The following SPECC1 variants were observed in gnomAD, a reference collection of about 807,000 sequenced individuals.
SPECC1 encodes cytospin-B.
SPECC1 carries 62 observed loss-of-function variants against 104.1 expected under a neutral mutation model. That is an observed-to-expected ratio of 0.60 (90% CI 0.49 to 0.74). SPECC1 has a LOEUF of 0.74. SPECC1 is among the 30% of genes least tolerant of loss of function. The pLI is 0.00. For synonymous variants in SPECC1, 513 were observed against 501.6 expected, an observed-to-expected ratio of 1.02 and a Z score of -0.30; for missense variants, 1,306 against 1,310.5, an observed-to-expected ratio of 1.00 and a Z score of 0.05.
At chr17:20,033,105 A>G (rs2044893567) in intron 1 of SPECC1, among the ~76,000 whole-genome samples, 1 of 151,844 alleles carries the variant, frequency 6.6e-6, no homozygotes, top group South Asian at 2.1e-4. Context: ...CTGGGATTAC[A>G]GGCATCCACC....
intron 1 of SPECC1, among the ~76,000 whole-genome samples, chr17:20,064,031 G>T (rs1458119717): frequency 6.6e-6 from 1 of 152,206 alleles, no homozygotes; most frequent in Non-Finnish European, 1.5e-5. Flanking sequence ...GCAGTCTCTG[G>T]CTGGTGGCTG....
At chr17:20,021,703 T>TATA (rs1263275894) in intron 1 of SPECC1, among the ~76,000 whole-genome samples, 2 of 98,830 alleles carry the variant, frequency 2.0e-5, no homozygotes, top group African/African-American at 1.2e-4. Context: ...TATATATATA[T>TATA]TTTTTTGTAC....
chr17:20,256,236 C>T (rs1243246028), intron 10 of SPECC1, among the ~76,000 whole-genome samples: 1 of 152,152 alleles, frequency 6.6e-6, no homozygotes, highest in African/African-American at 2.4e-5. Flanking sequence ...TAGCTTATTG[C>T]TCTGCAGTTA....
At chr17:20,196,597 T>C (rs770511343) in intron 3 of SPECC1, among the ~76,000 whole-genome samples, 1 of 152,236 alleles carries the variant, frequency 6.6e-6, no homozygotes, top group Non-Finnish European at 1.5e-5. Context: ...TCTTGGACTT[T>C]CTGACTTGCC....
intron 7 of SPECC1, chr17:20,237,319 T>G (rs906467259): frequency 2.6e-5 from 28 of 1,063,794 alleles, no homozygotes; most frequent in East Asian, 2.0e-4. Flanking sequence ...TGTTTTGTTT[T>G]TTTTTTTTTT....
At chr17:20,095,978 G>A (rs1388183732) in intron 1 of SPECC1, 4 of 152,272 alleles carry the variant, frequency 2.6e-5, no homozygotes, top group East Asian at 1.9e-4. Flanking sequence ...GGCCAGTCTC[G>A]GGCTGCCTTC....
chr17:20,168,077 A>G (rs2033804997), intron 3 of SPECC1, among the ~76,000 whole-genome samples: 1 of 152,222 alleles, frequency 6.6e-6, no homozygotes, highest in Non-Finnish European at 1.5e-5. Flanking sequence ...CAAAGTACAG[A>G]AAAGATGGAA....
intron 1 of SPECC1, among the ~76,000 whole-genome samples, chr17:20,018,572 T>G (rs1410586945): frequency 3.3e-5 from 5 of 152,166 alleles, no homozygotes; most frequent in African/African-American, 1.2e-4. Context: ...CTTTTATAAT[T>G]TATTTCTGTG....
intron 3 of SPECC1, among the ~76,000 whole-genome samples, chr17:20,204,038 TC>T (rs1490798459): frequency 1.3e-5 from 2 of 152,294 alleles, no homozygotes; most frequent in Admixed American, 6.5e-5. Context: ...CAGAAAACCT[TC>T]CCTTTGTCAC....
Position 20,245,915 on chromosome 17 carries a change from T to TC in SPECC1, c.2352-11_2352-10insC, listed in dbSNP as rs2039401716. 11 of 1,614,054 alleles carry TC rather than the reference T, an allele frequency of 6.8e-6. No individual in the cohort carries two copies. The highest frequency in any genetic ancestry group is 8.5e-6 in the Non-Finnish European group (10 of 1,179,954). On this transcript the variant is annotated splice_polypyrimidine_tract_variant and intron_variant, in intron 7 of 14. Transcript: ENST00000395527. ...CCATCTTTTCAATCTGATTTGCTCTTTGCCATGCAGACCTGTGGATGAAGA... is the reference window on the plus strand; with the variant it reads ...CCATCTTTTCAATCTGATTTGCTCTTCTGCCATGCAGACCTGTGGATGAAGA...
chr17:20,098,124 GATGTCCAAAAGTGTAAC>G (rs911062436), intron 2 of SPECC1, among the ~76,000 whole-genome samples: 2 of 152,028 alleles, frequency 1.3e-5, no homozygotes, highest in Admixed American at 1.3e-4. Flanking sequence ...ATCACCCTTG[GATGTCCAAAAGTGTAAC>G]ATGTCCAAAA....
At chr17:20,098,530 C>T (rs1272009857) in intron 2 of SPECC1, among the ~76,000 whole-genome samples, 1 of 152,192 alleles carries the variant, frequency 6.6e-6, no homozygotes, top group East Asian at 1.9e-4. Flanking sequence ...GCCAGCGATG[C>T]CCTCAGGGCC....
intron 7 of SPECC1, chr17:20,237,281 T>G: frequency 9.1e-7 from 1 of 1,102,234 alleles, no homozygotes; most frequent in South Asian, 3.8e-5. Context: ...AGTTCTTTTG[T>G]TTTTTGTTGT....
chr17:20,052,959 C>T (rs558261802), intron 1 of SPECC1, among the ~76,000 whole-genome samples: 7 of 152,302 alleles, frequency 4.6e-5, no homozygotes, highest in African/African-American at 1.7e-4. Flanking sequence ...CACTAAATAG[C>T]ACCCATTCTT....
intron 3 of SPECC1, among the ~76,000 whole-genome samples, chr17:20,191,835 C>G (rs1312815728): frequency 6.6e-6 from 1 of 152,026 alleles, no homozygotes; most frequent in Non-Finnish European, 1.5e-5. Flanking sequence ...GCCACACTGT[C>G]TGATGTAGAG....
chr17:20,159,605 G>C (rs759419441), intron 3 of SPECC1, among the ~76,000 whole-genome samples: 5 of 152,238 alleles, frequency 3.3e-5, no homozygotes, highest in Non-Finnish European at 7.3e-5. Flanking sequence ...CCCTGGAATT[G>C]GCTGTGGTGG....
rs1197186385 is a variant in SPECC1 at position 20,232,351 on chromosome 17, A to T, written c.2297A>T (p.Glu766Val). 5 of 1,613,868 alleles carry T rather than the reference A, an allele frequency of 3.1e-6. No homozygotes were observed. Among genetic ancestry groups the T allele is most frequent in the Non-Finnish European group, 4.2e-6 (5 of 1,179,914 alleles). ...EEEKNARLQK[E>V]LGDVQGHGRV... ...GAGAAGAATGCCCGGTTGCAGAAGG[A>T]GCTGGGGGATGTGCAGGGCCACGGC... The change falls in exon 7 of 15, where the codon GAG (glutamate) becomes GTG (valine). Residue 766 changes from glutamate to valine, a missense_variant. Physicochemically the swap from Glu to Val is moderately radical, Grantham distance 121. Around this residue, in one of 2 missense-constraint regions of SPECC1, gnomAD observed 1,177 missense variants for 1,139.9 expected, o/e 1.03. Coordinates refer to ENST00000395527, the MANE Select transcript of SPECC1 (RefSeq NM_001243439.2).
chr17:20,227,501 C>T lies in SPECC1; in HGVS notation c.1952C>T (p.Ala651Val), dbSNP rs1274682771. 3.7e-6 allele frequency: 6 copies of T among 1,613,582 alleles called. No individual in the cohort carries two copies. Among genetic ancestry groups the T allele is most frequent in the Non-Finnish European group, 4.2e-6 (5 of 1,179,860 alleles). Residue 651 changes from alanine to valine, a missense_variant, in exon 5 of 15, where the codon GCA (alanine) becomes GTA (valine). Around this residue, in one of 2 missense-constraint regions of SPECC1, gnomAD observed 1,177 missense variants for 1,139.9 expected, o/e 1.03. Coordinates refer to ENST00000395527, the MANE Select transcript of SPECC1 (RefSeq NM_001243439.2). ...ACCAGCCTAAAGCTGCAAGAAAAAGCATCAGAGAGTGATGCAGAGATCAAA... is the reference window on the plus strand; with the variant it reads ...ACCAGCCTAAAGCTGCAAGAAAAAGTATCAGAGAGTGATGCAGAGATCAAA... ...SRTSLKLQEK[A>V]SESDAEIKDM...
intron 1 of SPECC1, among the ~76,000 whole-genome samples, chr17:20,080,568 GC>G (rs990020820): frequency 1.3e-5 from 2 of 151,978 alleles, no homozygotes; most frequent in African/African-American, 4.8e-5. Context: ...CTACCTTGCT[GC>G]CTCTTGGGGA....
Sources: gnomAD v4.1 joint callset for allele counts (sites outside exome capture counted in the v4.1 genomes callset) on GRCh38, gnomAD v4.1.1 for gene constraint, gnomAD v4.1.1 regional missense constraint, MANE v1.5 for transcripts, NCBI Gene and HGNC (gene_info 2026-07-23, HGNC 2026-07-21) for gene names.